The following MIGA1 variants were observed in gnomAD, a reference collection of about 807,000 sequenced individuals.
MIGA1 encodes mitoguardin 1, also known as family with sequence similarity 73, member A.
In MIGA1, 58 loss-of-function variants were observed where a neutral mutation model predicts 82.0. The ratio of observed to expected loss-of-function variants is 0.71; its 90% CI spans 0.57 to 0.88. The LOEUF is 0.88. Ranked by LOEUF, MIGA1 falls within the 40% of genes least tolerant of loss-of-function variation. MIGA1 has a pLI of 0.00. For missense variants in MIGA1, 751 were observed against 749.1 expected, an observed-to-expected ratio of 1.00 and a Z score of -0.03; for synonymous variants, 249 against 253.6, an observed-to-expected ratio of 0.98 and a Z score of 0.17.
Position 77,815,215 on chromosome 1 carries a change from C to T in MIGA1, c.879C>T (p.Ser293=), listed in dbSNP as rs1683527052. 4.4e-6 allele frequency: 7 copies of T among 1,600,388 alleles called. No homozygotes were observed. The South Asian group carries it at 5.7e-5, about 13-fold the overall frequency. Reference sequence around the variant, plus strand: ...CCCTTGGGGCATCTGATCCTAATTCCCTTGCTGATGATATTGGTAAGATGG... The same window carrying T: ...CCCTTGGGGCATCTGATCCTAATTCTCTTGCTGATGATATTGGTAAGATGG... Residue 293 remains serine, a synonymous_variant, in exon 7 of 16, where the codon TCC becomes TCT. Coordinates refer to ENST00000370791, the MANE Select transcript of MIGA1 (RefSeq NM_198549.4).
intron 7 of MIGA1, among the ~76,000 whole-genome samples, chr1:77,838,325 CTTATTTATTTATTTAT>C (rs376304871): frequency 6.6e-6 from 1 of 151,498 alleles, no homozygotes; most frequent in Non-Finnish European, 1.5e-5. Context: ...TACCTTTTAG[CTTATTTATTTATTTAT>C]TTATTTATTA....
At chr1:77,815,904 A>C (rs533183251) in intron 7 of MIGA1, among the ~76,000 whole-genome samples, 1 of 151,836 alleles carries the variant, frequency 6.6e-6, no homozygotes, top group South Asian at 2.1e-4. Context: ...TAATTAAAAA[A>C]ATTTTTTTTG....
intron 5 of MIGA1, chr1:77,810,747 G>C: frequency 1.7e-6 from 2 of 1,153,042 alleles, no homozygotes; most frequent in Non-Finnish European, 1.2e-6. Context: ...CCGGCCTACT[G>C]GTCTGGGTAC....
chr1:77,842,690 G>A (rs1222014297), intron 7 of MIGA1, among the ~76,000 whole-genome samples: 1 of 152,102 alleles, frequency 6.6e-6, no homozygotes, highest in Non-Finnish European at 1.5e-5. Context: ...TGGGACTACA[G>A]GTGCGCACCT....
chr1:77,858,116 G>A (rs1006565834), intron 8 of MIGA1, among the ~76,000 whole-genome samples: 24 of 152,162 alleles, frequency 1.6e-4, no homozygotes, highest in African/African-American at 5.8e-4. Flanking sequence ...TTGGGAGGCT[G>A]AGGCAGGCGG....
At chr1:77,848,199 G>A (rs1272462061) in intron 8 of MIGA1, 1 of 1,444,802 alleles carries the variant, frequency 6.9e-7, no homozygotes, top group Non-Finnish European at 9.7e-7. Flanking sequence ...GATTCCCATT[G>A]GAAGAGGCAT....
intron 7 of MIGA1, among the ~76,000 whole-genome samples, chr1:77,837,210 A>G (rs888889495): frequency 1.3e-5 from 2 of 152,206 alleles, no homozygotes; most frequent in African/African-American, 4.8e-5. Context: ...AAACAGATAA[A>G]ATTAATTTTA....
chr1:77,798,513 G>T (rs1682750711), intron 2 of MIGA1, among the ~76,000 whole-genome samples: 1 of 152,220 alleles, frequency 6.6e-6, no homozygotes, highest in East Asian at 1.9e-4. Context: ...AAAAGCATCA[G>T]CTCTTGTGAG....
chr1:77,869,517 G>A (rs1262976332), intron 14 of MIGA1, among the ~76,000 whole-genome samples: 14 of 136,268 alleles, frequency 1.0e-4, no homozygotes, highest in African/African-American at 2.5e-4. Context: ...CAGTAGGGGC[G>A]GCCGGGCAGA....
intron 7 of MIGA1, among the ~76,000 whole-genome samples, chr1:77,836,611 T>C (rs1684432070): frequency 6.6e-6 from 1 of 152,202 alleles, no homozygotes; most frequent in African/African-American, 2.4e-5. Context: ...ACAAATCTCA[T>C]TTAACTTTTG....
At chr1:77,794,577 A>G (rs1682575337) in intron 2 of MIGA1, among the ~76,000 whole-genome samples, 1 of 152,208 alleles carries the variant, frequency 6.6e-6, no homozygotes, top group African/African-American at 2.4e-5. Flanking sequence ...TACTGGTGAT[A>G]GTAGCTTTGA....
chr1:77,833,923 C>T (rs1684333738), intron 7 of MIGA1, among the ~76,000 whole-genome samples: 1 of 152,186 alleles, frequency 6.6e-6, no homozygotes, highest in Non-Finnish European at 1.5e-5. Flanking sequence ...ACTCACTTTG[C>T]ATTGGCAGCT....
At chr1:77,806,826 G>T (rs2101770191) in intron 4 of MIGA1, 149 bp from the exon 5 acceptor site, 1,674 of 412,590 alleles carry the variant, frequency 4.1e-3, no homozygotes, top group Middle Eastern at 0.011. Context: ...AAGTTTGATT[G>T]ATTATCATCA....
intron 8 of MIGA1, among the ~76,000 whole-genome samples, chr1:77,849,422 A>T (rs1457319113): frequency 2.6e-5 from 4 of 152,258 alleles, no homozygotes; most frequent in Non-Finnish European, 5.9e-5. Context: ...TAAATAAATA[A>T]TTTAACTCTT....
At chr1:77,863,704 G>C (rs994371867) in intron 12 of MIGA1, among the ~76,000 whole-genome samples, 190 bp from the exon 13 acceptor site, 16 of 152,278 alleles carry the variant, frequency 1.1e-4, no homozygotes, top group African/African-American at 3.8e-4. Context: ...GATCTAGGAA[G>C]GAGCAGCGAT....
intron 7 of MIGA1, among the ~76,000 whole-genome samples, chr1:77,818,507 C>G (rs1264338651): frequency 6.6e-6 from 1 of 152,090 alleles, no homozygotes; most frequent in Non-Finnish European, 1.5e-5. Context: ...AAGGGCCCAC[C>G]TAGTACATGG....
At chr1:77,812,467 G>A (rs898217834) in intron 5 of MIGA1, among the ~76,000 whole-genome samples, 4 of 152,042 alleles carry the variant, frequency 2.6e-5, no homozygotes, top group Non-Finnish European at 4.4e-5. Context: ...ATAAATAAAT[G>A]AATAACAAAT....
At chr1:77,839,831 C>A (rs1479239393) in intron 7 of MIGA1, among the ~76,000 whole-genome samples, 1 of 152,148 alleles carries the variant, frequency 6.6e-6, no homozygotes, top group Non-Finnish European at 1.5e-5. Context: ...CAGCCTCTGC[C>A]TCCCAGACTC....
At chr1:77,837,457 A>C (rs111769697) in intron 7 of MIGA1, among the ~76,000 whole-genome samples, 80 of 152,106 alleles carry the variant, frequency 5.3e-4, no homozygotes, top group Non-Finnish European at 2.6e-4. Flanking sequence ...TTAGATGTGT[A>C]AGTATGTAGC....
Sources: allele counts gnomAD v4.1 joint callset (sites outside exome capture counted in the v4.1 genomes callset), GRCh38; gene constraint gnomAD v4.1.1; transcripts MANE v1.5; gene names NCBI Gene and HGNC (gene_info 2026-07-23, HGNC 2026-07-21).